The following CFHR2 variants were observed in gnomAD, a reference collection of about 807,000 sequenced individuals.
CFHR2 encodes the protein complement factor H-related protein 2.
In CFHR2, 22 loss-of-function variants were observed where a neutral mutation model predicts 21.7. The ratio of observed to expected loss-of-function variants is 1.01; its 90% CI spans 0.72 to 1.45. The LOEUF (loss-of-function observed/expected upper bound fraction) is 1.45. Among genes scored for constraint, CFHR2 ranks in the 40% most tolerant of loss-of-function variants. CFHR2 has a pLI of 0.00. For missense variants in CFHR2, 294 were observed against 293.3 expected (o/e 1.00, Z -0.02); for synonymous variants, 98 against 97.4 (o/e 1.01, Z -0.04).
chr1:196,947,565 A>T (rs1659557103), intron 1 of CFHR2, among the ~76,000 whole-genome samples: 1 of 152,226 alleles, frequency 6.6e-6, no homozygotes, highest in African/African-American at 2.4e-5. Context: ...TTCACGTTTC[A>T]CAAAGTGAAA....
Position 196,958,015 on chromosome 1 carries a change from G to C in CFHR2, c.555G>C (p.Glu185Asp). 1 of 1,613,678 alleles carries C rather than the reference G, an allele frequency of 6.2e-7. No individual in the cohort carries two copies. Among genetic ancestry groups the C allele is most frequent in the Non-Finnish European group, 8.5e-7 (1 of 1,179,728 alleles). ...EYQCQNLYQL[E>D]GNNQITCRNG... ...AGTGCCAGAACTTGTATCAACTTGA[G>C]GGTAACAATCAAATAACATGTAGAA... The change falls in exon 4 of 5, where the codon GAG becomes GAC. Residue 185 changes from glutamate (E) to aspartate (D), a missense_variant. Transcript: ENST00000367415.
chr1:196,948,284 T>C (rs899037949), intron 1 of CFHR2, among the ~76,000 whole-genome samples: 1 of 120,388 alleles, frequency 8.3e-6, no homozygotes, highest in African/African-American at 3.2e-5. Context: ...TTTATTTTAA[T>C]TTTTTTTGAG....
Position 196,955,702 on chromosome 1 carries a change from G to T in CFHR2, c.431-2189G>T, listed in dbSNP as rs150648825. On this transcript the variant is annotated intron_variant, in intron 3 of 4. Coordinates refer to ENST00000367415, the MANE Select transcript of CFHR2 (RefSeq NM_005666.4). The stretch of plus-strand genomic sequence containing the variant: ...TGTCTTTGATAAAATATAAAAATTA[G>T]CTGGGCATGGTGGTGACTCCTGTAA... 3.4e-3 allele frequency among the ~76,000 whole-genome samples: 441 copies of T among 128,322 alleles called. 1 individual carries two copies. Among genetic ancestry groups the T allele is most frequent in the Non-Finnish European group, 5.5e-3 (340 of 62,044 alleles). 84.2% of individuals were successfully genotyped at this position (128,322 alleles called of 152,430 possible).
At chr1:196,946,529 T>C (rs1659495179) in intron 1 of CFHR2, among the ~76,000 whole-genome samples, 1 of 152,186 alleles carries the variant, frequency 6.6e-6, no homozygotes, top group East Asian at 1.9e-4. Flanking sequence ...TAAGCTTTTA[T>C]CTTTTAAATA....
chr1:196,949,425 T>TTAAA, intron 1 of CFHR2, 30 bp from the exon 2 acceptor site: 1 of 1,574,700 alleles, frequency 6.4e-7, no homozygotes, highest in Non-Finnish European at 8.7e-7. Context: ...GCTTATTATG[T>TTAAA]AATTCTTCAG....
chr1:196,944,837 T>G (rs902067892), intron 1 of CFHR2, among the ~76,000 whole-genome samples: 5 of 151,224 alleles, frequency 3.3e-5, no homozygotes, highest in Admixed American at 6.6e-5. Context: ...TTTAAATATT[T>G]GCCCTTAGAA....
intron 2 of CFHR2, among the ~76,000 whole-genome samples, chr1:196,950,142 TAAA>T (rs1428137587): frequency 2.0e-5 from 3 of 152,092 alleles, no homozygotes; most frequent in Non-Finnish European, 2.9e-5. Context: ...ACAGGTATAT[TAAA>T]AGAGAAAACA....
At chr1:196,946,375 C>T (rs1173751097) in intron 1 of CFHR2, among the ~76,000 whole-genome samples, 2 of 152,158 alleles carry the variant, frequency 1.3e-5, no homozygotes, top group East Asian at 3.9e-4. Context: ...TTATTTTAAA[C>T]TTTTCTTCGA....
chr1:196,945,791 T>TGC (rs1165665438), intron 1 of CFHR2, among the ~76,000 whole-genome samples: 1 of 150,656 alleles, frequency 6.6e-6, no homozygotes, highest in Admixed American at 6.6e-5. Flanking sequence ...TGTGTGTGTG[T>TGC]GTGTGTGTGT....
chr1:196,947,753 G>C (rs746887323), intron 1 of CFHR2, among the ~76,000 whole-genome samples: 1 of 152,100 alleles, frequency 6.6e-6, no homozygotes, highest in Non-Finnish European at 1.5e-5. Flanking sequence ...ACAAAGAGCA[G>C]TAATATATGA....
At position 196,945,922 on chromosome 1, in the gene CFHR2, C is replaced by A. The variant is rs555380213; in HGVS notation, c.58+1984C>A. Among the ~76,000 whole-genome samples, 111 of 151,392 alleles carry A rather than the reference C, an allele frequency of 7.3e-4. 1 individual carries two copies. The highest frequency in any genetic ancestry group is 2.1e-4 in the Non-Finnish European group (14 of 67,942). On this transcript the variant is annotated intron_variant, in intron 1 of 4. Transcript: ENST00000367415. ...ACTTACACAAACCTAGGTTTTATAGCCTACTAGGTAACTAGGCCATATGGT... is the reference window on the plus strand; with the variant it reads ...ACTTACACAAACCTAGGTTTTATAGACTACTAGGTAACTAGGCCATATGGT...
chr1:196,949,453 A>G lies in CFHR2; in HGVS notation c.59-2A>G, dbSNP rs762258495. 6.2e-7 allele frequency: 1 copy of G among 1,609,718 alleles called. No individual in the cohort carries two copies. Among genetic ancestry groups the G allele is most frequent in the Admixed American group, 1.7e-5 (1 of 59,576 alleles). On this transcript the variant is annotated splice_acceptor_variant, in intron 1 of 4. Transcript: ENST00000367415. LOFTEE classifies it high-confidence loss of function. ...TTCTTCAGTTTTGTGTTATTTTCCC[A>G]GCAATGTTCTGTGATTTTCCAAAAA...
At chr1:196,946,658 T>C (rs1245931344) in intron 1 of CFHR2, among the ~76,000 whole-genome samples, 1 of 152,206 alleles carries the variant, frequency 6.6e-6, no homozygotes, top group African/African-American at 2.4e-5. Context: ...CCTCCGCTCT[T>C]GTCCCACTAG....
chr1:196,945,088 C>T (rs1181201967), intron 1 of CFHR2, among the ~76,000 whole-genome samples: 2 of 144,790 alleles, frequency 1.4e-5, no homozygotes. Flanking sequence ...GTTGGTCAGG[C>T]TGGTCTCGAA....
rs1653028412 is a variant in CFHR2, at chr1:196,959,275, A to G, written c.*195A>G. The G allele has an allele frequency of 7.8e-6, 4 of 510,288 alleles. No individual in the cohort carries two copies. The highest frequency in any genetic ancestry group is 1.4e-5 in the Non-Finnish European group (4 of 290,678). 31.6% of individuals were successfully genotyped at this position (510,288 alleles called of 1,614,324 possible). Reference sequence around the variant, plus strand: ...GGACTATCTTCACCAAATCTAAGTAACAACCTAGGAATTGTCTTTTTTTTT... The same window carrying G: ...GGACTATCTTCACCAAATCTAAGTAGCAACCTAGGAATTGTCTTTTTTTTT... On this transcript the variant is annotated 3_prime_UTR_variant, in exon 5 of 5. Transcript: ENST00000367415.
At chr1:196,952,907 C>G (rs940571679) in intron 3 of CFHR2, among the ~76,000 whole-genome samples, 11 of 152,152 alleles carry the variant, frequency 7.2e-5, no homozygotes, top group Non-Finnish European at 1.6e-4. Context: ...TTGCCTGTCC[C>G]TTATTCCAAA....
At chr1:196,958,398 G>A (rs1378835124) in intron 4 of CFHR2, among the ~76,000 whole-genome samples, 1 of 151,556 alleles carries the variant, frequency 6.6e-6, no homozygotes, top group Non-Finnish European at 1.5e-5. Flanking sequence ...GTGTAAGTGT[G>A]TGTGTGTGTG....
chr1:196,955,410 G>C lies in CFHR2; in HGVS notation c.431-2481G>C, dbSNP rs370393341. 3.9e-5 allele frequency among the ~76,000 whole-genome samples: 6 copies of C among 152,114 alleles called. No homozygotes were observed. The East Asian group carries it at 9.6e-4, about 24-fold the overall frequency. ...TATCTTCTTCTGAGCCCCCTAAGCT[G>C]TTCCAACCTCTGCCTGTTACCCAGT... On this transcript the variant is annotated intron_variant, in intron 3 of 4. Coordinates refer to ENST00000367415, the MANE Select transcript of CFHR2 (RefSeq NM_005666.4).
intron 2 of CFHR2, 89 bp downstream of exon 2, chr1:196,949,738 A>C (rs1659656572): frequency 6.6e-7 from 1 of 1,523,554 alleles, no homozygotes; most frequent in Non-Finnish European, 9.1e-7. Context: ...TGATAATCAC[A>C]GGAGCAGTGA....
Sources: allele counts gnomAD v4.1 joint callset (sites outside exome capture counted in the v4.1 genomes callset), GRCh38; gene constraint gnomAD v4.1.1; transcripts MANE v1.5; gene names NCBI Gene and HGNC (gene_info 2026-07-23, HGNC 2026-07-21).